RNF217: variants seen among roughly 807,000 people sequenced by gnomAD.
RNF217 encodes the protein ring finger protein 217.
RNF217 carries 31 observed loss-of-function variants against 57.8 expected under a neutral mutation model. The ratio of observed to expected loss-of-function variants is 0.54; its 90% CI spans 0.40 to 0.72. The LOEUF (loss-of-function observed/expected upper bound fraction) is 0.72, where lower values mean the gene tolerates loss of function less well. Among genes scored for constraint, RNF217 ranks in the 30% least tolerant of loss-of-function variants. RNF217 has a pLI of 0.00. For missense variants in RNF217, 696 were observed against 708.3 expected (o/e 0.98, Z 0.20); for synonymous variants, 313 against 294.0 (o/e 1.06, Z -0.66).
At chr6:125,000,537 A>G (rs539158899) in intron 1 of RNF217, among the ~76,000 whole-genome samples, 2 of 152,184 alleles carry the variant, frequency 1.3e-5, no homozygotes, top group East Asian at 3.9e-4. Context: ...ACAACTACTG[A>G]TTCATCCTTA....
rs1189489781 is a variant in RNF217 at position 125,087,649 on chromosome 6, A to T, written c.*4712A>T. The T allele has an allele frequency of 6.6e-6, 1 of 152,158 alleles. No homozygotes were observed. Among genetic ancestry groups the T allele is most frequent in the East Asian group, 1.9e-4 (1 of 5,202 alleles). 9.4% of individuals were successfully genotyped at this position (152,158 alleles called of 1,614,324 possible). A position where few individuals can be genotyped will look rare whatever the true frequency, so the allele number is the denominator to read the frequency against. ...TTAGCAAATATGTGTCATCTCTTTA[A>T]ATTTGGGAGGAATCAGAAGCTAAAG... is the stretch of plus-strand genomic sequence containing the variant. On this transcript the variant is annotated 3_prime_UTR_variant, in exon 6 of 6. Transcript: ENST00000521654.
At chr6:124,985,500 T>C (rs1784337793) in intron 1 of RNF217, among the ~76,000 whole-genome samples, 1 of 152,202 alleles carries the variant, frequency 6.6e-6, no homozygotes, top group Non-Finnish European at 1.5e-5. Flanking sequence ...TTAGGAAATG[T>C]GTGAGAGAAC....
chr6:125,035,376 G>C (rs1397832444), intron 1 of RNF217, among the ~76,000 whole-genome samples: 1 of 152,172 alleles, frequency 6.6e-6, no homozygotes, highest in African/African-American at 2.4e-5. Flanking sequence ...CTACAAGCCA[G>C]AAGAGAGTGG....
intron 1 of RNF217, among the ~76,000 whole-genome samples, chr6:125,011,412 A>G (rs1328591201): frequency 2.0e-5 from 3 of 152,176 alleles, no homozygotes; most frequent in South Asian, 4.1e-4. Flanking sequence ...GCGAGGATAG[A>G]CAATCACTTA....
intron 2 of RNF217, among the ~76,000 whole-genome samples, chr6:125,046,855 T>C (rs1177793224): frequency 1.3e-5 from 2 of 152,086 alleles, no homozygotes; most frequent in Admixed American, 1.3e-4. Context: ...TTAATTTATT[T>C]ACTGTTTTTA....
Position 124,962,786 on chromosome 6 carries a change from G to A in RNF217, c.242G>A (p.Ser81Asn), listed in dbSNP as rs13197518. 1 of 1,596,760 alleles carries A rather than the reference G, an allele frequency of 6.3e-7. No homozygotes were observed. The highest frequency in any genetic ancestry group is 1.3e-5 in the African/African-American group (1 of 74,874). ...CTGGGGCCCCCGGGCTGGAGTAAGAGCCGAGCACCGGCGCAGCCTGCGGGA... is the reference window on the plus strand; with the variant it reads ...CTGGGGCCCCCGGGCTGGAGTAAGAACCGAGCACCGGCGCAGCCTGCGGGA... ...RSLGPPGWSK[S>N]RAPAQPAGLA... is the part of the protein sequence containing the mutation. The change falls in exon 1 of 6, where the codon AGC becomes AAC. Residue 81 changes from serine to asparagine, a missense_variant. By Grantham distance (46) the Ser-to-Asn change is conservative. This residue lies in a region of RNF217 where 465 missense variants were observed against 386.8 expected (regional missense o/e 1.20). Coordinates refer to ENST00000521654, the MANE Select transcript of RNF217 (RefSeq NM_001286398.3). The surrounding 1 kb of genome is among the most constrained non-coding windows in gnomAD (Gnocchi z 4.6).
chr6:125,075,309 A>C (rs1323942171), intron 3 of RNF217, among the ~76,000 whole-genome samples: 1 of 152,162 alleles, frequency 6.6e-6, no homozygotes, highest in East Asian at 1.9e-4. Context: ...TAACAGGAGA[A>C]CTGGGCAATT....
intron 2 of RNF217, among the ~76,000 whole-genome samples, chr6:125,056,180 A>G (rs1015066470): frequency 4.6e-5 from 7 of 152,150 alleles, no homozygotes; most frequent in Non-Finnish European, 1.0e-4. Flanking sequence ...GTATAAGACT[A>G]TAGTGAAAAT....
chr6:124,979,496 T>A (rs1360507781), intron 1 of RNF217, among the ~76,000 whole-genome samples: 2 of 152,120 alleles, frequency 1.3e-5, no homozygotes, highest in African/African-American at 4.8e-5. Flanking sequence ...AGAACAAAGA[T>A]ACCAGCGTGG....
chr6:125,061,075 T>C (rs1159081755), intron 3 of RNF217, among the ~76,000 whole-genome samples: 3 of 152,192 alleles, frequency 2.0e-5, no homozygotes, highest in African/African-American at 7.2e-5. Flanking sequence ...ATACCAAGGC[T>C]TGCTTGGTTT....
At chr6:124,977,358 A>G (rs1784005772) in intron 1 of RNF217, among the ~76,000 whole-genome samples, 1 of 152,220 alleles carries the variant, frequency 6.6e-6, no homozygotes, top group Non-Finnish European at 1.5e-5. Context: ...TTTCAGTTAC[A>G]ATAATTGTTA....
intron 1 of RNF217, among the ~76,000 whole-genome samples, chr6:124,989,867 G>GA (rs144016453): frequency 0.17 from 24,938 of 144,236 alleles, 2,789 homozygotes; most frequent in Non-Finnish European, 0.25. Context: ...TTCTCTGCTT[G>GA]AAAAAAAAAA....
intron 2 of RNF217, among the ~76,000 whole-genome samples, chr6:125,049,812 G>A (rs1236662349): frequency 6.6e-6 from 1 of 151,732 alleles, no homozygotes; most frequent in Non-Finnish European, 1.5e-5. Context: ...GGTGGACAAT[G>A]GGCAGAAAGG....
intron 1 of RNF217, among the ~76,000 whole-genome samples, chr6:125,027,381 C>T (rs2114448850): frequency 6.6e-6 from 1 of 152,220 alleles, no homozygotes; most frequent in African/African-American, 2.4e-5. Flanking sequence ...ATTTTTAGAT[C>T]CCAGAAATAA....
chr6:124,972,005 A>G (rs552592930), intron 1 of RNF217, among the ~76,000 whole-genome samples: 2 of 152,298 alleles, frequency 1.3e-5, no homozygotes, highest in African/African-American at 4.8e-5. Context: ...GTCAAGTGTC[A>G]TATAGCCATC....
At chr6:124,968,237 A>G (rs974425043) in intron 1 of RNF217, among the ~76,000 whole-genome samples, 2 of 152,210 alleles carry the variant, frequency 1.3e-5, no homozygotes, top group Non-Finnish European at 1.5e-5. Flanking sequence ...AATGTGAAGA[A>G]TAATATGAGA....
Position 125,088,683 on chromosome 6 carries a change from A to G in RNF217, c.*5746A>G, listed in dbSNP as rs922655313. On this transcript the variant is annotated 3_prime_UTR_variant, in exon 6 of 6. Coordinates refer to ENST00000521654, the MANE Select transcript of RNF217 (RefSeq NM_001286398.3). ...TGTAAAAGGCAATAATTTTTTTTAA[A>G]TACACAAAACATTGCCATTGCCCTT... 2.0e-5 allele frequency: 3 copies of G among 152,216 alleles called. No individual in the cohort carries two copies. The highest frequency in any genetic ancestry group is 2.0e-4 in the Admixed American group (3 of 15,282). 9.4% of individuals were successfully genotyped at this position (152,216 alleles called of 1,614,324 possible).
intron 1 of RNF217, among the ~76,000 whole-genome samples, chr6:125,039,312 T>G (rs981977982): frequency 6.6e-6 from 1 of 151,956 alleles, no homozygotes; most frequent in Admixed American, 6.6e-5. Flanking sequence ...AGTCTCTGAT[T>G]AAACAGACCT....
chr6:125,035,466 A>G (rs1786568333), intron 1 of RNF217, among the ~76,000 whole-genome samples: 1 of 152,218 alleles, frequency 6.6e-6, no homozygotes, highest in African/African-American at 2.4e-5. Flanking sequence ...TTCATAAGTG[A>G]AGGAGAAATA....
Sources: allele counts gnomAD v4.1 joint callset (sites outside exome capture counted in the v4.1 genomes callset), GRCh38; gene constraint gnomAD v4.1.1; regional missense constraint gnomAD v4.1.1; non-coding constraint Gnocchi (gnomAD v3.1); transcripts MANE v1.5; gene names NCBI Gene and HGNC (gene_info 2026-07-23, HGNC 2026-07-21).